MGST1: variants seen among roughly 807,000 people sequenced by gnomAD.
MGST1 encodes glutathione S-transferase 12.
In MGST1, 5 loss-of-function variants were observed where a neutral mutation model predicts 8.9. The observed-to-expected ratio is 0.56, with a 90% CI of 0.29 to 1.19. The LOEUF (loss-of-function observed/expected upper bound fraction) is 1.19. Ranked by LOEUF, MGST1 falls within the 50% of genes most tolerant of loss-of-function variation. The pLI is 0.08. For synonymous variants in MGST1, 54 were observed against 67.8 expected, an observed-to-expected ratio of 0.80 and a Z score of 1.00; for missense variants, 182 against 187.4, an observed-to-expected ratio of 0.97 and a Z score of 0.17.
chr12:16,532,039 A>G (rs996298227), intron 4 of MGST1, among the ~76,000 whole-genome samples: 1 of 152,126 alleles, frequency 6.6e-6, no homozygotes, highest in African/African-American at 2.4e-5. Flanking sequence ...AAGCTTCCCA[A>G]ATTCAAAACC....
intron 1 of MGST1, among the ~76,000 whole-genome samples, chr12:16,409,114 G>A (rs1166089832): frequency 6.6e-6 from 1 of 152,024 alleles, no homozygotes; most frequent in Non-Finnish European, 1.5e-5. Flanking sequence ...AAGCATCTGA[G>A]GTCTTTGTGG....
At chr12:16,473,437 C>T (rs1941300734) in intron 4 of MGST1, among the ~76,000 whole-genome samples, 1 of 152,102 alleles carries the variant, frequency 6.6e-6, no homozygotes, top group African/African-American at 2.4e-5. Flanking sequence ...ATCTCACCAC[C>T]CACTCTGGAA....
At chr12:16,434,692 G>A (rs58316714) in intron 1 of MGST1, among the ~76,000 whole-genome samples, 2,827 of 151,776 alleles carry the variant, frequency 0.019, 92 homozygotes, top group African/African-American at 0.064. Context: ...TTTTCAGCAG[G>A]GAGAAGTGGG....
Position 16,401,316 on chromosome 12 carries a change from G to A in MGST1, n.778+17712G>A, listed in dbSNP as rs1940653922. 6 of 1,450,124 alleles carry A rather than the reference G, an allele frequency of 4.1e-6. No individual in the cohort carries two copies. Among genetic ancestry groups the A allele is most frequent in the African/African-American group, 1.4e-5 (1 of 71,506 alleles). 89.8% of individuals were successfully genotyped at this position (1,450,124 alleles called of 1,614,324 possible). ...TGAAAACCATTCCTGTCTTCAGTTT[G>A]TATTGATTTTTACTATTGATTACTA... On this transcript the variant is annotated intron_variant and non_coding_transcript_variant, in intron 1 of 1. Transcript: ENST00000359720. The surrounding 1 kb of genome is among the most constrained non-coding windows in gnomAD (Gnocchi z 4.3).
chr12:16,557,316 C>CAGTT (rs1942227179), intron 4 of MGST1, among the ~76,000 whole-genome samples: 1 of 150,326 alleles, frequency 6.7e-6, no homozygotes, highest in East Asian at 1.9e-4. Flanking sequence ...AAATAAATGC[C>CAGTT]AGTTAGAAAT....
Position 16,513,519 on chromosome 12 carries a change from C to T in MGST1, n.483-76009C>T, listed in dbSNP as rs1591748921. ...ATGTGGAGATGGGACCACCAGATCC[C>T]ATCCTTGGAGTCACCGAAGGCTTTA... On this transcript the variant is annotated intron_variant and non_coding_transcript_variant, in intron 4 of 4. Coordinates refer to the MGST1 transcript ENST00000538857. This position sits in a 1 kb window ranked among gnomAD's most constrained non-coding sequence, Gnocchi z 4.2. The T allele has an allele frequency of 8.3e-6, 4 of 481,206 alleles. No individual in the cohort carries two copies. The East Asian group carries it at 2.4e-4, about 29-fold the overall frequency. 29.8% of individuals were successfully genotyped at this position (481,206 alleles called of 1,614,324 possible). A position where few individuals can be genotyped will look rare whatever the true frequency, so the allele number is the denominator to read the frequency against.
At chr12:16,488,611 T>C (rs999705537) in intron 4 of MGST1, among the ~76,000 whole-genome samples, 12 of 152,166 alleles carry the variant, frequency 7.9e-5, no homozygotes, top group African/African-American at 2.2e-4. Context: ...TAGAATTATA[T>C]TCTATAGCAC....
At chr12:16,527,835 ATTG>A (rs755388342) in intron 4 of MGST1, among the ~76,000 whole-genome samples, 1 of 151,952 alleles carries the variant, frequency 6.6e-6, no homozygotes, top group Non-Finnish European at 1.5e-5. Flanking sequence ...AGTAGCCTTT[ATTG>A]TCTGGCCCAG....
intron 1 of MGST1, among the ~76,000 whole-genome samples, chr12:16,405,833 A>G (rs1333327088): frequency 6.6e-6 from 1 of 152,194 alleles, no homozygotes; most frequent in Non-Finnish European, 1.5e-5. Flanking sequence ...CTAAATAGAC[A>G]TAGAAAAGGC....
intron 3 of MGST1, among the ~76,000 whole-genome samples, chr12:16,370,609 C>T (rs1168750956): frequency 1.3e-5 from 2 of 152,026 alleles, no homozygotes; most frequent in East Asian, 3.8e-4. Flanking sequence ...AATATAATTT[C>T]CTTTGTAACT....
intron 1 of MGST1, chr12:16,353,311 G>A (rs950523317): frequency 6.6e-6 from 1 of 152,298 alleles, no homozygotes; most frequent in Non-Finnish European, 1.5e-5. Context: ...GGGACTACAG[G>A]CGTGAGCCAC....
At chr12:16,538,163 G>A (rs1235714840) in intron 4 of MGST1, among the ~76,000 whole-genome samples, 1 of 152,046 alleles carries the variant, frequency 6.6e-6, no homozygotes, top group Non-Finnish European at 1.5e-5. Flanking sequence ...TAAAAGTTTT[G>A]CACATCTGTA....
At chr12:16,580,679 C>G (rs1263069829) in intron 4 of MGST1, among the ~76,000 whole-genome samples, 1 of 152,080 alleles carries the variant, frequency 6.6e-6, no homozygotes, top group African/African-American at 2.4e-5. Context: ...ATAAAAAATA[C>G]ATACATGTGC....
At chr12:16,501,701 T>C (rs989511331) in intron 4 of MGST1, among the ~76,000 whole-genome samples, 8 of 152,214 alleles carry the variant, frequency 5.3e-5, no homozygotes, top group Non-Finnish European at 1.0e-4. Context: ...AGTTACTGTG[T>C]AATGAAAATT....
chr12:16,451,617 A>G (rs929156919), intron 4 of MGST1, among the ~76,000 whole-genome samples: 1 of 151,900 alleles, frequency 6.6e-6, no homozygotes, highest in Non-Finnish European at 1.5e-5. Context: ...TAAAAAACAA[A>G]AAAGGTCTTT....
chr12:16,518,965 G>A (rs1378817972), intron 4 of MGST1, among the ~76,000 whole-genome samples: 1 of 152,192 alleles, frequency 6.6e-6, no homozygotes, highest in African/African-American at 2.4e-5. Flanking sequence ...GATAAGTTGT[G>A]TATGATTTAT....
At chr12:16,498,141 C>A (rs1941482026) in intron 4 of MGST1, among the ~76,000 whole-genome samples, 1 of 152,076 alleles carries the variant, frequency 6.6e-6, no homozygotes, top group Non-Finnish European at 1.5e-5. Flanking sequence ...GGAAACACTA[C>A]TTCGAGTGTA....
chr12:16,391,867 A>G (rs1005758344), intron 1 of MGST1, among the ~76,000 whole-genome samples: 1 of 152,138 alleles, frequency 6.6e-6, no homozygotes, highest in Non-Finnish European at 1.5e-5. Context: ...CAAAGTTCTC[A>G]TAGTTTTGGG....
intron 4 of MGST1, among the ~76,000 whole-genome samples, chr12:16,536,079 G>T (rs931583136): frequency 1.1e-5 from 1 of 92,652 alleles, no homozygotes; most frequent in Non-Finnish European, 2.5e-5. Flanking sequence ...CTTGGTGTGT[G>T]TGAGTGTGTG....
Sources: gnomAD v4.1 joint callset for allele counts (sites outside exome capture counted in the v4.1 genomes callset) on GRCh38, gnomAD v4.1.1 for gene constraint, Gnocchi (gnomAD v3.1) non-coding constraint, MANE v1.5 for transcripts, NCBI Gene and HGNC (gene_info 2026-07-23, HGNC 2026-07-21) for gene names.